FTH1: variants seen among roughly 807,000 people sequenced by gnomAD.
The protein encoded by FTH1 is ferritin heavy chain 1.
Under a neutral mutation model 21.8 loss-of-function variants are expected in FTH1, and 3 were observed. The observed-to-expected ratio is 0.14, with a 90% CI of 0.06 to 0.36. The LOEUF is 0.36. FTH1 is among the 10% of genes least tolerant of loss of function. FTH1 has a pLI of 1.00. For missense variants in FTH1, 147 were observed against 225.8 expected (o/e 0.65, Z 2.24); for synonymous variants, 83 against 90.1 (o/e 0.92, Z 0.45).
chr11:61,965,087 C>T lies in FTH1; in HGVS notation c.287G>A (p.Ser96Asn), dbSNP rs1942420732. ...TGCACACTCCATTGCATTCAGCCCG[C>T]TCTCCCAGTCATCACAGTCTGGTTT... ...IKKPDCDDWE[S>N]GLNAMECALH... is the part of the protein sequence containing the mutation. Residue 96 changes from serine (S) to asparagine (N), a missense_variant, in exon 3 of 4, where the codon AGC becomes AAC. Transcript: ENST00000273550. 6.2e-7 allele frequency: 1 copy of T among 1,606,792 alleles called. No homozygotes were observed. Among genetic ancestry groups the T allele is most frequent in the Non-Finnish European group, 8.5e-7 (1 of 1,179,980 alleles).
chr11:61,965,710 A>G, intron 1 of FTH1, 195 bp from the exon 2 acceptor site: 1 of 658,794 alleles, frequency 1.5e-6, no homozygotes, highest in Admixed American at 2.4e-5. Context: ...TTTCTATTCT[A>G]AAATAGAAAA....
intron 1 of FTH1, among the ~76,000 whole-genome samples, chr11:61,966,771 G>C (rs547859567): frequency 6.6e-6 from 1 of 152,330 alleles, no homozygotes; most frequent in East Asian, 1.9e-4. Context: ...GTGGGACTTA[G>C]AGATAAGCAG....
rs1224493660 is a variant in FTH1 at position 61,964,539 on chromosome 11, C to G, written c.*188G>C. On this transcript the variant is annotated 3_prime_UTR_variant, in exon 4 of 4. Coordinates refer to ENST00000273550, the MANE Select transcript of FTH1 (RefSeq NM_002032.3). ...AGATAGCCTGGATAGATTTCTGATT[C>G]ATCCCAAGACCTCAAAGACAACACC... 1.0e-5 allele frequency: 7 copies of G among 692,964 alleles called. No individual in the cohort carries two copies. The Admixed American group carries it at 1.3e-4, about 13-fold the overall frequency. 42.9% of individuals were successfully genotyped at this position (692,964 alleles called of 1,614,324 possible).
At position 61,965,391 on chromosome 11, in the gene FTH1, C is replaced by T. The variant is rs552130899; in HGVS notation, c.239G>A (p.Arg80Gln). Residue 80 changes from arginine to glutamine, a missense_variant, in exon 2 of 4, where the codon CGA becomes CAA. Arg to Gln is a conservative substitution (Grantham distance 43). Coordinates refer to ENST00000273550, the MANE Select transcript of FTH1 (RefSeq NM_002032.3). ...LMKLQNQRGG[R>Q]IFLQDIKKPD... Reference sequence around the variant, plus strand: ...CACCTTGATATCCTGAAGGAAGATTCGGCCACCTCGTTGGTTCTGCAGCTT... The same window carrying T: ...CACCTTGATATCCTGAAGGAAGATTTGGCCACCTCGTTGGTTCTGCAGCTT... The T allele has an allele frequency of 8.7e-5, 140 of 1,613,350 alleles. 1 individual carries two copies. In the South Asian group the frequency reaches 1.3e-3, roughly 15 times the overall value.
rs1565049165 is a variant in FTH1 at position 61,964,957 on chromosome 11, CCATT to C, written c.387+26_387+29del. ...CAATCCCTAAGGCAAATGATTTCCT[CCATT>C]TATTTCCTGGGGTTCCAATACTCAC... On this transcript the variant is annotated intron_variant, in intron 3 of 3. Coordinates refer to ENST00000273550, the MANE Select transcript of FTH1 (RefSeq NM_002032.3). 4 of 1,614,066 alleles carry C rather than the reference CCATT, an allele frequency of 2.5e-6. No individual in the cohort carries two copies. In the South Asian group the frequency reaches 4.4e-5, roughly 18 times the overall value.
At chr11:61,965,650 T>A in intron 1 of FTH1, 135 bp from the exon 2 acceptor site, 1 of 903,360 alleles carries the variant, frequency 1.1e-6, no homozygotes, top group Non-Finnish European at 1.8e-6. Context: ...AATCAGTGCC[T>A]AAGGAGACTG....
rs181553435 is a variant in FTH1 at position 61,966,049 on chromosome 11, C to T, written c.115-534G>A. On this transcript the variant is annotated intron_variant, in intron 1 of 3. Coordinates refer to ENST00000273550, the MANE Select transcript of FTH1 (RefSeq NM_002032.3). ...CAGCACTTTGGGAGGCCGAGGCAGG[C>T]GGATCACGAGGTCAGCAGATCGAGA... 9.1e-4 allele frequency among the ~76,000 whole-genome samples: 138 copies of T among 152,228 alleles called. 1 individual carries two copies. The highest frequency in any genetic ancestry group is 8.8e-3 in the Admixed American group (135 of 15,306).
Position 61,967,543 on chromosome 11 carries a change from G to C in FTH1, c.-118C>G, listed in dbSNP as rs751862506. 20 of 768,624 alleles carry C rather than the reference G, an allele frequency of 2.6e-5. No homozygotes were observed. In the Admixed American group the frequency reaches 4.0e-4, roughly 16 times the overall value. The allele number at this position is 768,624 out of a possible 1,614,324, so 47.6% of individuals were successfully genotyped here. On this transcript the variant is annotated 5_prime_UTR_variant, in exon 1 of 4. Coordinates refer to ENST00000273550, the MANE Select transcript of FTH1 (RefSeq NM_002032.3). ...AGAGGTGACGGAGGGCTGGCTATGG[G>C]CGGCCGGCCGGGGTGGGGAACGAGC... is the stretch of plus-strand genomic sequence containing the variant.
chr11:61,966,105 T>C (rs569804748), intron 1 of FTH1, among the ~76,000 whole-genome samples: 1 of 152,216 alleles, frequency 6.6e-6, no homozygotes, highest in Admixed American at 6.5e-5. Context: ...AAACCCCGTC[T>C]CTACTAAAAA....
chr11:61,965,320 G>A (rs375217149), intron 2 of FTH1, 49 bp downstream of exon 2: 9 of 1,610,710 alleles, frequency 5.6e-6, no homozygotes, highest in Middle Eastern at 2.0e-4. Flanking sequence ...TCTGATACCC[G>A]AACACTGCCA....
Position 61,965,533 on chromosome 11 carries a change from A to C in FTH1, c.115-18T>G. The C allele has an allele frequency of 6.3e-7, 1 of 1,599,722 alleles. No individual in the cohort carries two copies. Among genetic ancestry groups the C allele is most frequent in the Non-Finnish European group, 8.5e-7 (1 of 1,179,736 alleles). On this transcript the variant is annotated intron_variant, in intron 1 of 3. Transcript: ENST00000273550. ...TAGTAAGACTGAAAGGGGAACACTG[A>C]ATGTGTTATACTAGGGATCCCCAGA...
chr11:61,966,178 G>A (rs1942455983), intron 1 of FTH1, among the ~76,000 whole-genome samples: 1 of 152,128 alleles, frequency 6.6e-6, no homozygotes, highest in Non-Finnish European at 1.5e-5. Flanking sequence ...GGAGCCTGAG[G>A]TAAGAGAATC....
chr11:61,966,998 C>T (rs980711377), intron 1 of FTH1: 7 of 208,272 alleles, frequency 3.4e-5, no homozygotes, highest in African/African-American at 4.7e-5. Context: ...CCTTCCTAAC[C>T]GCAGGATTGA....
Position 61,965,479 on chromosome 11 carries a change from T to G in FTH1, c.151A>C (p.Asn51His), listed in dbSNP as rs1942432541. Residue 51 changes from asparagine to histidine, a missense_variant, in exon 2 of 4, where the codon AAC becomes CAC. Asn to His is a moderately conservative substitution (Grantham distance 68). Transcript: ENST00000273550. ...YFDRDDVALK[N>H]FAKYFLHQSH... ...TGGTGAAGAAAGTATTTGGCAAAGTTCTTCAAAGCCACATCATCGCGGTCA... is the reference window on the plus strand; with the variant it reads ...TGGTGAAGAAAGTATTTGGCAAAGTGCTTCAAAGCCACATCATCGCGGTCA... The G allele has an allele frequency of 6.2e-7, 1 of 1,605,870 alleles. No individual in the cohort carries two copies. Among genetic ancestry groups the G allele is most frequent in the African/African-American group, 1.3e-5 (1 of 74,910 alleles).
At chr11:61,967,271 G>T in intron 1 of FTH1, 41 bp downstream of exon 1, 1 of 1,373,088 alleles carries the variant, frequency 7.3e-7, no homozygotes, top group Non-Finnish European at 9.9e-7. Flanking sequence ...CCCGGGAACC[G>T]CGCCCGGCCC....
intron 2 of FTH1, 121 bp downstream of exon 2, chr11:61,965,248 C>A: frequency 6.3e-7 from 1 of 1,593,680 alleles, no homozygotes; most frequent in Non-Finnish European, 8.6e-7. Context: ...CCTAAAAAAG[C>A]ACAAAAGGCA....
At chr11:61,966,802 T>C (rs1942470850) in intron 1 of FTH1, among the ~76,000 whole-genome samples, 1 of 152,180 alleles carries the variant, frequency 6.6e-6, no homozygotes, top group Admixed American at 6.5e-5. Context: ...TGGATACGGC[T>C]GCTCGAGAGG....
rs41453449 is a variant in FTH1, at chr11:61,965,381, A to C, written c.249T>G (p.Leu83=). 888 of 1,613,314 alleles carry C rather than the reference A, an allele frequency of 5.5e-4. 5 individuals are homozygous for C. In the African/African-American group the frequency reaches 0.01, roughly 18 times the overall value. Residue 83 remains leucine, a synonymous_variant, in exon 2 of 4, where the codon CTT becomes CTG. Transcript: ENST00000273550. ...ATCTTTTGTTCACCTTGATATCCTGAAGGAAGATTCGGCCACCTCGTTGGT... is the reference window on the plus strand; with the variant it reads ...ATCTTTTGTTCACCTTGATATCCTGCAGGAAGATTCGGCCACCTCGTTGGT... ...LQNQRGGRIF[L]QDIKKPDCDD...
At chr11:61,967,208 G>A (rs1591322775) in intron 1 of FTH1, 104 bp downstream of exon 1, 6 of 548,054 alleles carry the variant, frequency 1.1e-5, no homozygotes, top group African/African-American at 4.1e-5. Flanking sequence ...AAGGGCGCAG[G>A]GAGGCGGGAG....
Sources: allele counts gnomAD v4.1 joint callset (sites outside exome capture counted in the v4.1 genomes callset), GRCh38; gene constraint gnomAD v4.1.1; transcripts MANE v1.5; gene names NCBI Gene and HGNC (gene_info 2026-07-23, HGNC 2026-07-21).